HYCC2: variants seen among roughly 807,000 people sequenced by gnomAD.
The protein encoded by HYCC2 is hyccin PI4KA lipid kinase complex subunit 2.
the HYCC2 span, among the ~76,000 whole-genome samples, chr2:201,048,394 A>G: frequency 6.6e-6 from 1 of 152,302 alleles, no homozygotes; most frequent in Admixed American, 6.5e-5. Context: ...TACAGTATAT[A>G]GACCAAGCTT....
chr2:201,042,289 G>A, the HYCC2 span, among the ~76,000 whole-genome samples: 18 of 152,174 alleles, frequency 1.2e-4, no homozygotes, highest in African/African-American at 3.6e-4. Flanking sequence ...GTGCAGTGGC[G>A]TGATCTCGGA....
the HYCC2 span, among the ~76,000 whole-genome samples, chr2:201,023,418 C>A: frequency 6.6e-6 from 1 of 152,026 alleles, no homozygotes; most frequent in Non-Finnish European, 1.5e-5. Flanking sequence ...GTACACAATT[C>A]TTCTAACTAC....
At chr2:200,997,478 G>A in the HYCC2 span, 2 of 1,613,306 alleles carry the variant, frequency 1.2e-6, no homozygotes, top group Admixed American at 1.7e-5. Context: ...TTGGTAAGAT[G>A]AGGCAGGCAT....
At chr2:200,983,605 AAAG>A in the HYCC2 span, among the ~76,000 whole-genome samples, 2 of 152,216 alleles carry the variant, frequency 1.3e-5, no homozygotes, top group African/African-American at 4.8e-5. Context: ...AACCTCTTCA[AAAG>A]AACTGTATAT....
chr2:201,019,201 A>T, the HYCC2 span, among the ~76,000 whole-genome samples: 1 of 152,148 alleles, frequency 6.6e-6, no homozygotes, highest in African/African-American at 2.4e-5. Flanking sequence ...CTTTAGTAAA[A>T]AACTCTCCAA....
the HYCC2 span, chr2:200,975,212 G>A: frequency 6.6e-6 from 1 of 152,054 alleles, no homozygotes; most frequent in Non-Finnish European, 1.5e-5. Context: ...TATTTTCCAG[G>A]TCAGAGAATA....
At chr2:200,988,279 T>C in the HYCC2 span, 1 of 1,611,572 alleles carries the variant, frequency 6.2e-7, no homozygotes, top group Admixed American at 1.7e-5. Context: ...TCTCCATCTA[T>C]GACGACGGAT....
chr2:200,993,045 C>A, the HYCC2 span: 56 of 1,308,388 alleles, frequency 4.3e-5, no homozygotes, highest in Non-Finnish European at 5.9e-5. Flanking sequence ...CCAGATTCAT[C>A]AAATAAAATA....
At chr2:201,051,894 A>T in the HYCC2 span, among the ~76,000 whole-genome samples, 1 of 152,246 alleles carries the variant, frequency 6.6e-6, no homozygotes, top group African/African-American at 2.4e-5. Flanking sequence ...CCAATCCTCA[A>T]TCATGAGCCT....
the HYCC2 span, among the ~76,000 whole-genome samples, chr2:201,047,462 A>ATATATG: frequency 6.6e-6 from 1 of 150,840 alleles, no homozygotes; most frequent in Non-Finnish European, 1.5e-5. Flanking sequence ...ATATATATAT[A>ATATATG]TATACACACA....
At chr2:201,040,762 G>T in the HYCC2 span, among the ~76,000 whole-genome samples, 1 of 152,172 alleles carries the variant, frequency 6.6e-6, no homozygotes. Flanking sequence ...TGTGATTACA[G>T]GCGTGAGCCA....
chr2:201,024,763 A>C, the HYCC2 span, among the ~76,000 whole-genome samples: 1 of 152,160 alleles, frequency 6.6e-6, no homozygotes. Flanking sequence ...ACTGAATATA[A>C]ACATATATGC....
the HYCC2 span, among the ~76,000 whole-genome samples, chr2:201,027,055 A>G: frequency 6.6e-6 from 1 of 152,208 alleles, no homozygotes. Flanking sequence ...AACAAAATTG[A>G]TAGACTGCTA....
At chr2:201,031,269 T>C in the HYCC2 span, among the ~76,000 whole-genome samples, 3 of 152,196 alleles carry the variant, frequency 2.0e-5, no homozygotes, top group Non-Finnish European at 4.4e-5. Flanking sequence ...CCTGCATTTA[T>C]TAATATATAA....
At chr2:201,008,948 TAC>T in the HYCC2 span, 6 of 1,352,924 alleles carry the variant, frequency 4.4e-6, no homozygotes, top group Non-Finnish European at 6.4e-6. Context: ...TACAAGTTGT[TAC>T]TATATACAGT....
chr2:201,022,031 G>A, the HYCC2 span: 12 of 1,275,120 alleles, frequency 9.4e-6, no homozygotes, highest in African/African-American at 1.2e-4. Flanking sequence ...TGCACTTTAA[G>A]TTAAGCTGCT....
the HYCC2 span, chr2:200,976,287 A>G: frequency 1.3e-5 from 2 of 152,182 alleles, no homozygotes; most frequent in Admixed American, 1.3e-4. Context: ...ATGACCCGTT[A>G]AACTTTTTAA....
At chr2:201,045,492 T>C in the HYCC2 span, 1 of 397,954 alleles carries the variant, frequency 2.5e-6, no homozygotes, top group East Asian at 3.6e-5. Flanking sequence ...AGTCTTAATT[T>C]TACCTGTATT....
chr2:201,062,299 A>ACC, the HYCC2 span, among the ~76,000 whole-genome samples: 2 of 152,016 alleles, frequency 1.3e-5, no homozygotes, highest in Admixed American at 6.6e-5. Context: ...AGGGTGGATC[A>ACC]CTTGAGGTCA....
Sources: allele counts gnomAD v4.1 joint callset (sites outside exome capture counted in the v4.1 genomes callset), GRCh38; gene constraint gnomAD v4.1.1; transcripts MANE v1.5; gene names NCBI Gene and HGNC (gene_info 2026-07-23, HGNC 2026-07-21).